Variants in SMOX observed in about 807,000 individuals in gnomAD.
SMOX encodes spermine oxidase.
Under a neutral mutation model 51.0 loss-of-function variants are expected in SMOX, and 22 were observed. The observed-to-expected ratio is 0.43, with a 90% CI of 0.31 to 0.62. SMOX has a LOEUF of 0.62. Ranked by LOEUF, SMOX falls within the 20% of genes least tolerant of loss-of-function variation. The pLI, the probability that SMOX is intolerant of heterozygous loss-of-function variation, is 0.10. For synonymous variants in SMOX, 282 were observed against 307.8 expected, an observed-to-expected ratio of 0.92 and a Z score of 0.88; for missense variants, 566 against 777.7, an observed-to-expected ratio of 0.73 and a Z score of 3.24.
At position 4,187,648 on chromosome 20, in the gene SMOX, C is replaced by CT; in HGVS notation, c.*242dup. 1 of 499,970 alleles carries CT rather than the reference C, an allele frequency of 2.0e-6. No individual in the cohort carries two copies. Among genetic ancestry groups the CT allele is most frequent in the Non-Finnish European group, 3.5e-6 (1 of 284,464 alleles). 31.0% of individuals were successfully genotyped at this position (499,970 alleles called of 1,614,324 possible). On this transcript the variant is annotated 3_prime_UTR_variant, in exon 7 of 7. Coordinates refer to ENST00000305958, the MANE Select transcript of SMOX (RefSeq NM_175839.3). This position sits in a 1 kb window ranked among gnomAD's most constrained non-coding sequence, Gnocchi z 4.8. ...TCCCGTGCCCCCACTTGCCTACCCT[C>CT]TGTCCTGCCTTGTTATTGTAAGTGC...
At chr20:4,162,803 A>C (rs894770617) in intron 1 of SMOX, among the ~76,000 whole-genome samples, 1 of 152,262 alleles carries the variant, frequency 6.6e-6, no homozygotes, top group Non-Finnish European at 1.5e-5. Flanking sequence ...AAGATCACTC[A>C]GAGCTAGACC....
Position 4,166,841 on chromosome 20 carries a change from C to T in SMOX, c.-26-8189C>T, listed in dbSNP as rs79700429. ...ATGCCTGCCAAGGCCCCCTGGCTCC[C>T]TTCTTCTCATCTGAAATTCGCTTAC... On this transcript the variant is annotated intron_variant, in intron 1 of 6. Coordinates refer to ENST00000305958, the MANE Select transcript of SMOX (RefSeq NM_175839.3). The surrounding 1 kb of genome is among the most constrained non-coding windows in gnomAD (Gnocchi z 4.2). 2.0e-5 allele frequency among the ~76,000 whole-genome samples: 3 copies of T among 152,346 alleles called. No individual in the cohort carries two copies. In the East Asian group the frequency reaches 5.8e-4, roughly 29 times the overall value.
chr20:4,186,379 A>T (rs1979734111), intron 6 of SMOX, among the ~76,000 whole-genome samples: 1 of 152,178 alleles, frequency 6.6e-6, no homozygotes, highest in African/African-American at 2.4e-5. Context: ...TTTGAGAGGA[A>T]CTAGGATAAA....
In SMOX at chr20:4,149,724, A is replaced by T. The variant is rs1985635726; in HGVS notation, c.-27+747A>T. On this transcript the variant is annotated intron_variant, in intron 1 of 6. Transcript: ENST00000305958. The surrounding 1 kb of genome is among the most constrained non-coding windows in gnomAD (Gnocchi z 6.0). ...TTGAGGGGCCCGCGGAGCTTGCGCC[A>T]GGGGGACTTGGCCCGATGAGATACG... is the stretch of plus-strand genomic sequence containing the variant. Among the ~76,000 whole-genome samples the T allele has an allele frequency of 6.6e-6, 1 of 152,116 alleles. No individual in the cohort carries two copies. The highest frequency in any genetic ancestry group is 2.4e-5 in the African/African-American group (1 of 41,420).
At chr20:4,186,481 C>CA (rs1030758658) in intron 6 of SMOX, among the ~76,000 whole-genome samples, 2 of 152,110 alleles carry the variant, frequency 1.3e-5, no homozygotes, top group Non-Finnish European at 2.9e-5. Context: ...CTGGCTGTAC[C>CA]AAAATTCTCA....
intron 1 of SMOX, among the ~76,000 whole-genome samples, chr20:4,155,422 G>C (rs909087079): frequency 6.6e-6 from 1 of 151,870 alleles, no homozygotes; most frequent in African/African-American, 2.4e-5. Context: ...GAGTGGGGGG[G>C]GCCTGGATGC....
chr20:4,168,779 G>A (rs565720575), intron 1 of SMOX, among the ~76,000 whole-genome samples: 11,634 of 151,308 alleles, frequency 0.077, 579 homozygotes, highest in African/African-American at 0.13. Context: ...CTGGTCTTGA[G>A]CTCCTGGCCT....
Position 4,183,366 on chromosome 20 carries a change from C to A in SMOX, c.1370-128C>A. The A allele has an allele frequency of 7.2e-7, 1 of 1,380,882 alleles. No individual in the cohort carries two copies. Among genetic ancestry groups the A allele is most frequent in the Non-Finnish European group, 1.0e-6 (1 of 978,076 alleles). 85.5% of individuals were successfully genotyped at this position (1,380,882 alleles called of 1,614,324 possible). A position where few individuals can be genotyped will look rare whatever the true frequency, so the allele number is the denominator to read the frequency against. ...CCTCCTTCCTCTTCTATCCTCCGTG[C>A]CTACCCCTGGCAGTCTGGTCCTCCC... On this transcript the variant is annotated intron_variant, in intron 5 of 6. Transcript: ENST00000305958. The surrounding 1 kb of genome is among the most constrained non-coding windows in gnomAD (Gnocchi z 4.3).
rs1023799988 is a variant in SMOX at position 4,170,674 on chromosome 20, T to A, written c.-26-4356T>A. Among the ~76,000 whole-genome samples the A allele has an allele frequency of 1.3e-5, 2 of 151,968 alleles. No homozygotes were observed. Among genetic ancestry groups the A allele is most frequent in the Non-Finnish European group, 2.9e-5 (2 of 67,978 alleles). ...CCACTCTGGTCACCTGACCTCTGAG[T>A]CTTTATTCTATTCATCCGTCTTTGG... On this transcript the variant is annotated intron_variant, in intron 1 of 6. Coordinates refer to ENST00000305958, the MANE Select transcript of SMOX (RefSeq NM_175839.3). The surrounding 1 kb of genome is among the most constrained non-coding windows in gnomAD (Gnocchi z 4.6).
chr20:4,183,247 A>T lies in SMOX; in HGVS notation c.1370-247A>T. ...AGGCGGGGAAACATGATTATGTGTC[A>T]TGTGTTTTCAGATAGATAGGAAAAG... is the stretch of plus-strand genomic sequence containing the variant. On this transcript the variant is annotated intron_variant, in intron 5 of 6. Transcript: ENST00000305958. This position sits in a 1 kb window ranked among gnomAD's most constrained non-coding sequence, Gnocchi z 4.3. 1 of 595,762 alleles carries T rather than the reference A, an allele frequency of 1.7e-6. No individual in the cohort carries two copies. The highest frequency in any genetic ancestry group is 2.9e-5 in the East Asian group (1 of 34,710). 36.9% of individuals were successfully genotyped at this position (595,762 alleles called of 1,614,324 possible). A position where few individuals can be genotyped will look rare whatever the true frequency, so the allele number is the denominator to read the frequency against.
rs988485941 is a variant in SMOX, at chr20:4,155,138, A to G, written c.-27+6161A>G. ...CCGAGCCTGGCACTGTGGGCAACCA[A>G]TCTGGGGTGAGCACCCTTCCTCCAG... On this transcript the variant is annotated intron_variant, in intron 1 of 6. Coordinates refer to ENST00000305958, the MANE Select transcript of SMOX (RefSeq NM_175839.3). Among the ~76,000 whole-genome samples the G allele has an allele frequency of 7.2e-5, 11 of 152,046 alleles. No individual in the cohort carries two copies. The South Asian group carries it at 1.9e-3, about 26-fold the overall frequency.
chr20:4,182,554 C>A lies in SMOX; in HGVS notation c.1075C>A (p.Arg359Ser), dbSNP rs376713573. The A allele has an allele frequency of 2.0e-5, 32 of 1,613,706 alleles. No individual in the cohort carries two copies. Among genetic ancestry groups the A allele is most frequent in the Non-Finnish European group, 2.5e-5 (30 of 1,179,922 alleles). ...CACAGAGAAGGTGGCTGCCATCCAC[C>A]GCCTGGGCATTGGCACCACCGACAA... is the stretch of plus-strand genomic sequence containing the variant. ...LPTEKVAAIH[R>S]LGIGTTDKIF... is the part of the protein sequence containing the mutation. The change falls in exon 5 of 7, where the codon CGC (arginine) becomes AGC (serine). Residue 359 changes from arginine (R) to serine (S), a missense_variant. Physicochemically the swap from Arg to Ser is moderately radical, Grantham distance 110. Coordinates refer to ENST00000305958, the MANE Select transcript of SMOX (RefSeq NM_175839.3). This position sits in a 1 kb window ranked among gnomAD's most constrained non-coding sequence, Gnocchi z 8.4.
At position 4,175,281 on chromosome 20, in the gene SMOX, C is replaced by T. The variant is rs559310986; in HGVS notation, c.208+18C>T. 28 of 1,610,420 alleles carry T rather than the reference C, an allele frequency of 1.7e-5. No individual in the cohort carries two copies. Among genetic ancestry groups the T allele is most frequent in the Non-Finnish European group, 2.3e-5 (27 of 1,177,198 alleles). ...GAAACTTGGTAAGTGCCACCCAGTC[C>T]AGCCCAGCCACCTCCCCAGGTCACC... On this transcript the variant is annotated intron_variant, in intron 2 of 6. Transcript: ENST00000305958.
Position 4,172,873 on chromosome 20 carries a change from G to A in SMOX, c.-26-2157G>A, listed in dbSNP as rs1196945657. Among the ~76,000 whole-genome samples, 1 of 152,116 alleles carries A rather than the reference G, an allele frequency of 6.6e-6. No individual in the cohort carries two copies. Among genetic ancestry groups the A allele is most frequent in the Non-Finnish European group, 1.5e-5 (1 of 68,014 alleles). On this transcript the variant is annotated intron_variant, in intron 1 of 6. Coordinates refer to ENST00000305958, the MANE Select transcript of SMOX (RefSeq NM_175839.3). The surrounding 1 kb of genome is among the most constrained non-coding windows in gnomAD (Gnocchi z 7.7). ...GGCATCGCGGGGGCAGGTGCAATGG[G>A]CGGGGGAGGCACAAAGAGCAGCTTC... is the stretch of plus-strand genomic sequence containing the variant.
chr20:4,151,348 G>A (rs1459664433), intron 1 of SMOX, among the ~76,000 whole-genome samples: 1 of 152,198 alleles, frequency 6.6e-6, no homozygotes, highest in Non-Finnish European at 1.5e-5. Context: ...AGAGCAGCGA[G>A]AATGTTATAG....
At chr20:4,163,117 T>C (rs1986409790) in intron 1 of SMOX, among the ~76,000 whole-genome samples, 1 of 151,962 alleles carries the variant, frequency 6.6e-6, no homozygotes, top group Non-Finnish European at 1.5e-5. Context: ...TCCGGCACTG[T>C]CAGACCTCAG....
At chr20:4,157,245 G>T (rs1188171703) in intron 1 of SMOX, among the ~76,000 whole-genome samples, 2 of 152,156 alleles carry the variant, frequency 1.3e-5, no homozygotes, top group South Asian at 4.1e-4. Context: ...CTGGGTTGTT[G>T]TGACACTCTA....
chr20:4,157,891 G>GC (rs1986091823), intron 1 of SMOX, among the ~76,000 whole-genome samples: 2 of 152,092 alleles, frequency 1.3e-5, no homozygotes, highest in South Asian at 4.1e-4. Flanking sequence ...GAGATGGGCT[G>GC]TGGTATTTTT....
In SMOX at chr20:4,182,053, G is replaced by A. The variant is rs45610331; in HGVS notation, c.610-36G>A. The A allele has an allele frequency of 0.06, 95,618 of 1,585,894 alleles. 3,402 individuals are homozygous for A. Among genetic ancestry groups the A allele is most frequent in the East Asian group, 0.13 (5,908 of 44,458 alleles). ...GCTGCTCCTACCCCTGCCCAACCCC[G>A]GCGGTCACCTGGCTTCTCCTTGGGT... is the stretch of plus-strand genomic sequence containing the variant. On this transcript the variant is annotated intron_variant, in intron 4 of 6. Coordinates refer to ENST00000305958, the MANE Select transcript of SMOX (RefSeq NM_175839.3). The surrounding 1 kb of genome is among the most constrained non-coding windows in gnomAD (Gnocchi z 8.4).
Sources: allele counts gnomAD v4.1 joint callset (sites outside exome capture counted in the v4.1 genomes callset), GRCh38; gene constraint gnomAD v4.1.1; non-coding constraint Gnocchi (gnomAD v3.1); transcripts MANE v1.5; gene names NCBI Gene and HGNC (gene_info 2026-07-23, HGNC 2026-07-21).